The following CMIP variants were observed in gnomAD, a reference collection of about 807,000 sequenced individuals.
CMIP encodes C-Maf-inducing protein.
In CMIP, 13 loss-of-function variants were observed where a neutral mutation model predicts 97.3. The observed-to-expected ratio is 0.13, with a 90% CI of 0.09 to 0.21. The LOEUF is 0.21. Ranked by LOEUF, CMIP falls within the 10% of genes least tolerant of loss-of-function variation. The probability of loss-of-function intolerance (pLI) is 1.00; values close to 1 mark genes in which losing one functional copy is unlikely to be tolerated. For synonymous variants in CMIP, 538 were observed against 436.3 expected (o/e 1.23, Z -2.91); for missense variants, 847 against 1,024.9 (o/e 0.83, Z 2.37).
chr16:81,481,953 A>T (rs1477154430), intron 1 of CMIP, among the ~76,000 whole-genome samples: 1 of 148,056 alleles, frequency 6.8e-6, no homozygotes. Context: ...ATCTTGGCTC[A>T]CTGCAACCTC....
chr16:81,612,797 T>A (rs539548327), intron 2 of CMIP, among the ~76,000 whole-genome samples: 3 of 151,858 alleles, frequency 2.0e-5, no homozygotes, highest in Non-Finnish European at 4.4e-5. Context: ...ACCTCTCCCA[T>A]GTCTGAATGG....
intron 1 of CMIP, among the ~76,000 whole-genome samples, chr16:81,458,753 AG>A (rs1906716459): frequency 6.6e-6 from 1 of 152,158 alleles, no homozygotes; most frequent in Non-Finnish European, 1.5e-5. Flanking sequence ...ATTTCATATG[AG>A]GCCATTTAAC....
In CMIP at chr16:81,678,578, C is replaced by T. The variant is rs757617882; in HGVS notation, c.1338C>T (p.Gly446=). The T allele has an allele frequency of 7.5e-6, 12 of 1,604,748 alleles. No individual in the cohort carries two copies. The highest frequency in any genetic ancestry group is 1.0e-5 in the Non-Finnish European group (12 of 1,175,632). ...GCAGCACCATGAGCATCGAGCTGGG[C>T]CCCCAGGCCGACCGCACGCTCGGCT... The part of the protein sequence containing the change: ...PACSTMSIEL[G]PQADRTLGCY... The change falls in exon 10 of 21, where the codon GGC becomes GGT. Residue 446 remains glycine, a synonymous_variant. Transcript: ENST00000537098.
intron 1 of CMIP, among the ~76,000 whole-genome samples, chr16:81,451,680 A>C (rs1205713945): frequency 2.6e-5 from 4 of 152,166 alleles, no homozygotes; most frequent in Non-Finnish European, 2.9e-5. Flanking sequence ...GGGTCTGGCC[A>C]CTTGGTCTTC....
At chr16:81,619,077 A>G (rs986755484) in intron 2 of CMIP, 1 of 152,250 alleles carries the variant, frequency 6.6e-6, no homozygotes, top group Non-Finnish European at 1.5e-5. Context: ...AACTTGCTGC[A>G]GTCACACCAC....
At chr16:81,550,883 A>G (rs373179964) in intron 1 of CMIP, among the ~76,000 whole-genome samples, 320 of 145,390 alleles carry the variant, frequency 2.2e-3, no homozygotes, top group African/African-American at 7.9e-3. Flanking sequence ...CCCCAGTTCC[A>G]TCACACACAC....
In CMIP at chr16:81,496,743, G is replaced by C. The variant is rs2089497971; in HGVS notation, c.300+51202G>C. Among the ~76,000 whole-genome samples, 4 of 152,216 alleles carry C rather than the reference G, an allele frequency of 2.6e-5. No individual in the cohort carries two copies. The South Asian group carries it at 6.2e-4, about 24-fold the overall frequency. ...GGGGGTCAGCCCCCTGCGGACCCTG[G>C]ACCCCTGGGAACACAGTTTGAAACC... On this transcript the variant is annotated intron_variant, in intron 1 of 20. Coordinates refer to ENST00000537098, the MANE Select transcript of CMIP (RefSeq NM_198390.3).
intron 7 of CMIP, among the ~76,000 whole-genome samples, chr16:81,668,195 T>A (rs2092631560): frequency 6.6e-6 from 1 of 152,056 alleles, no homozygotes; most frequent in Admixed American, 6.5e-5. Context: ...GAGGGACAGG[T>A]CTGGAGACTC....
intron 2 of CMIP, chr16:81,611,281 C>G (rs2091827148): frequency 6.6e-6 from 1 of 152,376 alleles, no homozygotes; most frequent in East Asian, 1.9e-4. Context: ...ATTTTGACCT[C>G]ATACTGCAGG....
chr16:81,573,309 A>G (rs1167766558), intron 1 of CMIP, among the ~76,000 whole-genome samples: 1 of 151,522 alleles, frequency 6.6e-6, no homozygotes, highest in Non-Finnish European at 1.5e-5. Context: ...GCGTCACTGC[A>G]CTCCAGCCTG....
intron 4 of CMIP, among the ~76,000 whole-genome samples, chr16:81,654,626 T>G (rs548043998): frequency 6.2e-4 from 94 of 152,320 alleles, no homozygotes; most frequent in Middle Eastern, 3.4e-3. Context: ...TCATGCATGC[T>G]CTGCAGTGGT....
rs1908670311 is a variant in CMIP, at chr16:81,710,699, C to T, written c.*900C>T. 1 of 152,130 alleles carries T rather than the reference C, an allele frequency of 6.6e-6. No individual in the cohort carries two copies. The highest frequency in any genetic ancestry group is 2.1e-4 in the South Asian group (1 of 4,830). The allele number at this position is 152,130 out of a possible 1,614,324, so 9.4% of individuals were successfully genotyped here. On this transcript the variant is annotated 3_prime_UTR_variant, in exon 21 of 21. Coordinates refer to ENST00000537098, the MANE Select transcript of CMIP (RefSeq NM_198390.3). The stretch of plus-strand genomic sequence containing the variant: ...TCCAACTCCCTCACGAGGTGGGGCT[C>T]AGGCTGGAGGAGGAGGGATTAAGAT...
chr16:81,581,187 G>A (rs2091290558), intron 1 of CMIP, among the ~76,000 whole-genome samples: 1 of 152,162 alleles, frequency 6.6e-6, no homozygotes, highest in Non-Finnish European at 1.5e-5. Flanking sequence ...GTTGATGGAC[G>A]TTTGTGTTGT....
At chr16:81,633,271 G>A (rs544673972) in intron 3 of CMIP, among the ~76,000 whole-genome samples, 1 of 152,336 alleles carries the variant, frequency 6.6e-6, no homozygotes, top group East Asian at 1.9e-4. Flanking sequence ...GGAGGCCCCT[G>A]AGCTGGGTTG....
chr16:81,470,364 G>C (rs1907449563), intron 1 of CMIP, among the ~76,000 whole-genome samples: 2 of 152,248 alleles, frequency 1.3e-5, no homozygotes. Context: ...GTGGTGGCTG[G>C]GGTTCTGGGC....
chr16:81,663,910 T>G (rs113306962), intron 6 of CMIP, among the ~76,000 whole-genome samples: 1,811 of 152,258 alleles, frequency 0.012, 34 homozygotes, highest in African/African-American at 0.042. Flanking sequence ...CCACCAGGAT[T>G]CCTTTTCCAG....
intron 10 of CMIP, among the ~76,000 whole-genome samples, chr16:81,687,143 C>T (rs1328536215): frequency 1.3e-5 from 2 of 152,144 alleles, no homozygotes; most frequent in African/African-American, 4.8e-5. Context: ...GGTCACAGGC[C>T]CCAGGCTCTG....
At chr16:81,511,807 C>T (rs1300233284) in intron 1 of CMIP, among the ~76,000 whole-genome samples, 2 of 152,110 alleles carry the variant, frequency 1.3e-5, no homozygotes, top group Non-Finnish European at 2.9e-5. Flanking sequence ...AGTGATCTGC[C>T]CACCTCTACC....
At chr16:81,592,314 C>G (rs948771757) in intron 1 of CMIP, among the ~76,000 whole-genome samples, 4 of 152,196 alleles carry the variant, frequency 2.6e-5, no homozygotes, top group African/African-American at 9.6e-5. Context: ...TCCTTGTACC[C>G]AAGCCTCCTC....
Sources: gnomAD v4.1 joint callset for allele counts (sites outside exome capture counted in the v4.1 genomes callset) on GRCh38, gnomAD v4.1.1 for gene constraint, MANE v1.5 for transcripts, NCBI Gene and HGNC (gene_info 2026-07-23, HGNC 2026-07-21) for gene names.